Variants in CCDC88C observed in about 807,000 individuals in gnomAD.
The protein encoded by CCDC88C is coiled-coil and HOOK domain protein 88C.
In CCDC88C, 131 loss-of-function variants were observed where a neutral mutation model predicts 198.8. The observed-to-expected ratio is 0.66, with a 90% CI of 0.57 to 0.76. The LOEUF is 0.76. Ranked by LOEUF, CCDC88C falls within the 30% of genes least tolerant of loss-of-function variation. The pLI, the probability that CCDC88C is intolerant of heterozygous loss-of-function variation, is 0.00. For missense variants in CCDC88C, 2,553 were observed against 2,631.6 expected, an observed-to-expected ratio of 0.97 and a Z score of 0.65; for synonymous variants, 1,166 against 1,114.7, an observed-to-expected ratio of 1.05 and a Z score of -0.92.
At position 91,273,356 on chromosome 14, in the gene CCDC88C, G is replaced by C. The variant is rs1171214871; in HGVS notation, c.5356C>G (p.Pro1786Ala). The change falls in exon 30 of 30, where the codon CCG becomes GCG. Residue 1786 changes from proline to alanine, a missense_variant. Around this residue, in one of 2 missense-constraint regions of CCDC88C, gnomAD observed 1,293 missense variants for 1,219.6 expected, o/e 1.06. Transcript: ENST00000389857. The surrounding 1 kb of genome is among the most constrained non-coding windows in gnomAD (Gnocchi z 5.6). Reference sequence around the variant, plus strand: ...GGTGCATGGGAAGCTGGGGGCACCGGAGCCTGCCGGGGTCTGCCCAGAGAC... The same window carrying C: ...GGTGCATGGGAAGCTGGGGGCACCGCAGCCTGCCGGGGTCTGCCCAGAGAC... ...SLSLGRPRQAPVPPASHAPAS... is the reference protein window; with the variant it reads ...SLSLGRPRQAAVPPASHAPAS... 1.3e-6 allele frequency: 2 copies of C among 1,537,460 alleles called. No homozygotes were observed. Among genetic ancestry groups the C allele is most frequent in the Non-Finnish European group, 1.8e-6 (2 of 1,140,138 alleles).
chr14:91,367,265 C>T (rs920462481), intron 3 of CCDC88C, among the ~76,000 whole-genome samples: 2 of 152,176 alleles, frequency 1.3e-5, no homozygotes, highest in Admixed American at 6.5e-5. Context: ...GATGAACGCC[C>T]AGCACAGGCA....
intron 3 of CCDC88C, among the ~76,000 whole-genome samples, chr14:91,370,759 C>T (rs1894757958): frequency 6.6e-6 from 1 of 152,158 alleles, no homozygotes; most frequent in Non-Finnish European, 1.5e-5. Flanking sequence ...GTGGACACAT[C>T]CGTGCATACA....
Position 91,272,468 on chromosome 14 carries a change from A to G in CCDC88C, c.*157T>C, listed in dbSNP as rs1387754573. ...GCGTAATCCTCTTGGGGCTTGGCAC[A>G]GTGTTTCCATTCACAGAACAAACAG... On this transcript the variant is annotated 3_prime_UTR_variant, in exon 30 of 30. Transcript: ENST00000389857. The G allele has an allele frequency of 2.7e-6, 2 of 737,320 alleles. No individual in the cohort carries two copies. Among genetic ancestry groups the G allele is most frequent in the African/African-American group, 1.8e-5 (1 of 56,474 alleles). The allele number at this position is 737,320 out of a possible 1,614,324, so 45.7% of individuals were successfully genotyped here. A position where few individuals can be genotyped will look rare whatever the true frequency, so the allele number is the denominator to read the frequency against.
intron 4 of CCDC88C, among the ~76,000 whole-genome samples, chr14:91,349,806 G>C (rs1298033392): frequency 1.3e-5 from 2 of 152,186 alleles, no homozygotes; most frequent in African/African-American, 4.8e-5. Context: ...CAAAACAAAA[G>C]GGAAACTGCC....
At chr14:91,389,718 TAAAAAATA>T (rs1299905118) in intron 3 of CCDC88C, among the ~76,000 whole-genome samples, 3 of 96,622 alleles carry the variant, frequency 3.1e-5, no homozygotes, top group Non-Finnish European at 6.7e-5. Context: ...TGGCTCTATT[TAAAAAATA>T]AAAAAAAAAA....
In CCDC88C at chr14:91,271,654, ATGAG is replaced by A. The variant is rs1375540744; in HGVS notation, c.*967_*970del. 1.3e-5 allele frequency: 2 copies of A among 152,202 alleles called. No homozygotes were observed. The highest frequency in any genetic ancestry group is 4.8e-5 in the African/African-American group (2 of 41,436). The allele number at this position is 152,202 out of a possible 1,614,324, so 9.4% of individuals were successfully genotyped here. A position where few individuals can be genotyped will look rare whatever the true frequency, so the allele number is the denominator to read the frequency against. ...TCCCCCCAAAGTATACATATTTCAC[ATGAG>A]TGTGTACATATACATGTCATATATT... On this transcript the variant is annotated 3_prime_UTR_variant, in exon 30 of 30. Transcript: ENST00000389857.
intron 27 of CCDC88C, among the ~76,000 whole-genome samples, chr14:91,280,314 C>T (rs1434755021): frequency 6.6e-6 from 1 of 152,196 alleles, no homozygotes; most frequent in Non-Finnish European, 1.5e-5. Context: ...GTCCACAGGG[C>T]ACCTGGTTCC....
chr14:91,396,896 G>C (rs996915493), intron 3 of CCDC88C, among the ~76,000 whole-genome samples: 1 of 152,004 alleles, frequency 6.6e-6, no homozygotes, highest in East Asian at 1.9e-4. Flanking sequence ...GCTACTCGGG[G>C]GGCTGAGGCA....
chr14:91,286,609 T>C (rs1298864968), intron 25 of CCDC88C, among the ~76,000 whole-genome samples: 2 of 152,230 alleles, frequency 1.3e-5, no homozygotes, highest in Non-Finnish European at 2.9e-5. Flanking sequence ...GGATTTCCAT[T>C]ATTTCTTCCT....
chr14:91,397,298 A>G (rs755958694), intron 3 of CCDC88C, among the ~76,000 whole-genome samples: 1 of 152,190 alleles, frequency 6.6e-6, no homozygotes, highest in African/African-American at 2.4e-5. Flanking sequence ...CAGGAGTGAA[A>G]GCAAGACTCC....
At chr14:91,407,084 C>CG (rs1555430524) in intron 3 of CCDC88C, among the ~76,000 whole-genome samples, 1 of 131,688 alleles carries the variant, frequency 7.6e-6, no homozygotes, top group East Asian at 2.0e-4. Context: ...ACTACGCCAG[C>CG]CCCCCCCACC....
chr14:91,400,309 A>C (rs909410044), intron 3 of CCDC88C, among the ~76,000 whole-genome samples: 2 of 152,242 alleles, frequency 1.3e-5, no homozygotes, highest in Non-Finnish European at 2.9e-5. Context: ...CTAGCTAGGG[A>C]ATGGGGATCG....
intron 4 of CCDC88C, among the ~76,000 whole-genome samples, chr14:91,357,414 G>A (rs1172500473): frequency 2.0e-5 from 3 of 152,192 alleles, no homozygotes; most frequent in Non-Finnish European, 2.9e-5. Flanking sequence ...CACCATGCCC[G>A]GCTAACTTTT....
intron 25 of CCDC88C, 62 bp from the exon 26 acceptor site, chr14:91,283,579 C>A: frequency 6.7e-7 from 1 of 1,483,448 alleles, no homozygotes; most frequent in Non-Finnish European, 9.2e-7. Flanking sequence ...GCTGGGAAAC[C>A]ACACCATGGC....
Position 91,278,188 on chromosome 14 carries a change from G to C in CCDC88C, c.4792C>G (p.Arg1598Gly), listed in dbSNP as rs775886090. 4 of 1,608,912 alleles carry C rather than the reference G, an allele frequency of 2.5e-6. No individual in the cohort carries two copies. Among genetic ancestry groups the C allele is most frequent in the Admixed American group, 1.7e-5 (1 of 59,906 alleles). ...LKGSSEQLHG[R>G]SESFSSEDLI... ...TCTTCGCTGCTGAAGCTCTCAGACCGGCCATGGAGCTGCTCGGAGGAGCCT... is the reference window on the plus strand; with the variant it reads ...TCTTCGCTGCTGAAGCTCTCAGACCCGCCATGGAGCTGCTCGGAGGAGCCT... Residue 1598 changes from arginine (R) to glycine (G), a missense_variant, in exon 29 of 30, where the codon CGG becomes GGG. Transcript: ENST00000389857.
At chr14:91,386,501 A>G (rs1885154544) in intron 3 of CCDC88C, among the ~76,000 whole-genome samples, 1 of 152,106 alleles carries the variant, frequency 6.6e-6, no homozygotes, top group Non-Finnish European at 1.5e-5. Context: ...GAGGAGACCA[A>G]TGGTAGAACC....
chr14:91,300,075 T>C lies in CCDC88C; in HGVS notation c.3636-5A>G. 1.9e-6 allele frequency: 3 copies of C among 1,606,452 alleles called. No homozygotes were observed. Among genetic ancestry groups the C allele is most frequent in the Non-Finnish European group, 2.5e-6 (3 of 1,177,188 alleles). ...CGCTTCAGCATGTCACCGTGCCTGT[T>C]GGAGGGAAGCACCTGCCGTGAGTCT... is the stretch of plus-strand genomic sequence containing the variant. On this transcript the variant is annotated splice_polypyrimidine_tract_variant and splice_region_variant and intron_variant, in intron 20 of 29. Coordinates refer to ENST00000389857, the MANE Select transcript of CCDC88C (RefSeq NM_001080414.4).
intron 1 of CCDC88C, 68 bp downstream of exon 1, chr14:91,417,563 G>A: frequency 6.9e-7 from 1 of 1,452,286 alleles, no homozygotes; most frequent in Admixed American, 2.0e-5. Flanking sequence ...CGGGTCTGCG[G>A]CGTCCCGTCG....
At chr14:91,289,492 A>G (rs2139742982) in intron 24 of CCDC88C, 149 bp from the exon 25 acceptor site, 1 of 760,738 alleles carries the variant, frequency 1.3e-6, no homozygotes, top group East Asian at 2.5e-5. Context: ...GCTCATGACC[A>G]TGGTAATCAT....
Sources: allele counts gnomAD v4.1 joint callset (sites outside exome capture counted in the v4.1 genomes callset), GRCh38; gene constraint gnomAD v4.1.1; regional missense constraint gnomAD v4.1.1; non-coding constraint Gnocchi (gnomAD v3.1); transcripts MANE v1.5; gene names NCBI Gene and HGNC (gene_info 2026-07-23, HGNC 2026-07-21).